The following DUSP29 variants were observed in gnomAD, a reference collection of about 807,000 sequenced individuals.
DUSP29 encodes the protein dual specificity phosphatase 29, also known as atypical dual-specific protein phosphatase.
DUSP29 carries 12 observed loss-of-function variants against 13.5 expected under a neutral mutation model. The ratio of observed to expected loss-of-function variants is 0.89; its 90% CI spans 0.57 to 1.44. The LOEUF is 1.44. DUSP29 is among the 40% of genes most tolerant of loss of function. DUSP29 has a pLI of 0.00. For missense variants in DUSP29, 308 were observed against 301.1 expected, an observed-to-expected ratio of 1.02 and a Z score of -0.17; for synonymous variants, 134 against 128.7, an observed-to-expected ratio of 1.04 and a Z score of -0.28.
intron 1 of DUSP29, among the ~76,000 whole-genome samples, chr10:75,060,575 A>G (rs1847066793): frequency 6.6e-6 from 1 of 152,118 alleles, no homozygotes; most frequent in Admixed American, 6.6e-5. Context: ...ATCTGCATGT[A>G]TTGCTTCTCT....
At chr10:75,052,895 A>G (rs976429566) in intron 2 of DUSP29, among the ~76,000 whole-genome samples, 1 of 152,244 alleles carries the variant, frequency 6.6e-6, no homozygotes, top group Non-Finnish European at 1.5e-5. Context: ...CCCCACTGAC[A>G]TGAGGCTTTG....
intron 2 of DUSP29, among the ~76,000 whole-genome samples, chr10:75,049,243 T>C (rs1185786121): frequency 6.6e-6 from 1 of 152,212 alleles, no homozygotes; most frequent in East Asian, 1.9e-4. Context: ...GGAGAGACCA[T>C]TGTAAAGGCA....
chr10:75,046,564 T>C (rs1376908371), intron 2 of DUSP29, among the ~76,000 whole-genome samples: 1 of 152,206 alleles, frequency 6.6e-6, no homozygotes, highest in Non-Finnish European at 1.5e-5. Context: ...CATGATGGTG[T>C]CCAGTGTTTG....
chr10:75,058,507 G>A lies in DUSP29; in HGVS notation c.8C>T (p.Ser3Phe), dbSNP rs762499816. The A allele has an allele frequency of 7.4e-6, 12 of 1,614,046 alleles. No homozygotes were observed. The highest frequency in any genetic ancestry group is 6.7e-5 in the Admixed American group (4 of 60,012). Residue 3 changes from serine (S) to phenylalanine (F), a missense_variant, in exon 2 of 4, where the codon TCT (serine) becomes TTT (phenylalanine). Coordinates refer to ENST00000338487, the MANE Select transcript of DUSP29 (RefSeq NM_001003892.3). MT[S>F]GEVKTSLKNA... The stretch of plus-strand genomic sequence containing the variant: ...CTTGAGGCTTGTCTTCACTTCTCCA[G>A]ATGTCATTTTAGAGCCAAGGGATTT...
At chr10:75,050,833 C>T (rs1218195434) in intron 2 of DUSP29, among the ~76,000 whole-genome samples, 1 of 152,216 alleles carries the variant, frequency 6.6e-6, no homozygotes, top group African/African-American at 2.4e-5. Flanking sequence ...CAGGCCCCAC[C>T]CCTTCGACCC....
At chr10:75,066,271 G>A (rs553635175) in intron 1 of DUSP29, among the ~76,000 whole-genome samples, 10 of 152,206 alleles carry the variant, frequency 6.6e-5, no homozygotes, top group East Asian at 1.9e-4. Context: ...TACTGAGAAC[G>A]GGGGTTCCCA....
At chr10:75,061,084 A>T (rs1847077767) in intron 1 of DUSP29, among the ~76,000 whole-genome samples, 1 of 152,040 alleles carries the variant, frequency 6.6e-6, no homozygotes, top group Admixed American at 6.6e-5. Flanking sequence ...AGGTCTCGCT[A>T]TGTTGGCCAA....
rs1564638850 is a variant in DUSP29, at chr10:75,042,067, C to T, written c.421+1730G>A. 1.2e-4 allele frequency among the ~76,000 whole-genome samples: 18 copies of T among 152,182 alleles called. No individual in the cohort carries two copies. In the South Asian group the frequency reaches 3.7e-3, roughly 32 times the overall value. On this transcript the variant is annotated intron_variant, in intron 3 of 3. Coordinates refer to ENST00000338487, the MANE Select transcript of DUSP29 (RefSeq NM_001003892.3). ...GTGCACATGCTGGCGTGGTTATATG[C>T]TTCACAGTGTATGACCACGCTTTAT...
intron 1 of DUSP29, among the ~76,000 whole-genome samples, chr10:75,072,978 C>T (rs939286624): frequency 3.3e-5 from 5 of 151,878 alleles, no homozygotes; most frequent in Non-Finnish European, 7.4e-5. Context: ...GGCTCTGATC[C>T]TTCATGACCC....
At chr10:75,066,065 G>C (rs1847194841) in intron 1 of DUSP29, among the ~76,000 whole-genome samples, 1 of 152,100 alleles carries the variant, frequency 6.6e-6, no homozygotes, top group Non-Finnish European at 1.5e-5. Context: ...CATGAGTTCT[G>C]TGGCATGGCC....
At chr10:75,051,329 G>A (rs1165876969) in intron 2 of DUSP29, among the ~76,000 whole-genome samples, 1 of 152,186 alleles carries the variant, frequency 6.6e-6, no homozygotes, top group Non-Finnish European at 1.5e-5. Flanking sequence ...TGAATGTACT[G>A]GGCACCGTGA....
In DUSP29 at chr10:75,054,846, CT is replaced by C. The variant is rs562938445; in HGVS notation, c.200+3468del. ...CTATTTACACAATGAGCATATGTTA[CT>C]TTTTTTTTTTGAGACAGGGTCTCAC... On this transcript the variant is annotated intron_variant, in intron 2 of 3. Coordinates refer to ENST00000338487, the MANE Select transcript of DUSP29 (RefSeq NM_001003892.3). 6.9e-3 allele frequency among the ~76,000 whole-genome samples: 1,012 copies of C among 147,436 alleles called. 6 individuals carry two copies. The highest frequency in any genetic ancestry group is 8.3e-3 in the Non-Finnish European group (552 of 66,362).
At chr10:75,066,166 G>A (rs1847196470) in intron 1 of DUSP29, among the ~76,000 whole-genome samples, 1 of 152,200 alleles carries the variant, frequency 6.6e-6, no homozygotes, top group African/African-American at 2.4e-5. Context: ...TCTAGAAGGA[G>A]TATGAGGGGG....
At chr10:75,045,116 G>A (rs1424742432) in intron 2 of DUSP29, among the ~76,000 whole-genome samples, 2 of 152,214 alleles carry the variant, frequency 1.3e-5, no homozygotes, top group African/African-American at 4.8e-5. Flanking sequence ...CAGCACTTTC[G>A]GAAGCCGAGG....
intron 1 of DUSP29, among the ~76,000 whole-genome samples, chr10:75,068,318 A>G (rs1042839214): frequency 1.3e-5 from 2 of 152,132 alleles, no homozygotes; most frequent in African/African-American, 4.8e-5. Context: ...CAAAAGATAG[A>G]GAAAAAAATA....
At chr10:75,060,500 T>G (rs1186616637) in intron 1 of DUSP29, among the ~76,000 whole-genome samples, 1 of 151,566 alleles carries the variant, frequency 6.6e-6, no homozygotes, top group Non-Finnish European at 1.5e-5. Flanking sequence ...AAACTTATTA[T>G]GCACGGTTGG....
chr10:75,068,807 G>C (rs934429860), intron 1 of DUSP29, among the ~76,000 whole-genome samples: 3 of 152,162 alleles, frequency 2.0e-5, no homozygotes, highest in Non-Finnish European at 4.4e-5. Flanking sequence ...ACAAGTTAGT[G>C]CTTGTCTTTA....
rs938777310 is a variant in DUSP29 at position 75,071,774 on chromosome 10, C to T, written c.-35+1795G>A. ...GAGGACAGGCACTCCTGCCTTCGCA[C>T]CCAAATGTTATATTTTCCAAGACCA... On this transcript the variant is annotated intron_variant, in intron 1 of 3. Transcript: ENST00000338487. 2.0e-5 allele frequency among the ~76,000 whole-genome samples: 3 copies of T among 152,234 alleles called. No homozygotes were observed. The South Asian group carries it at 6.2e-4, about 32-fold the overall frequency.
At chr10:75,059,297 C>G (rs1847036005) in intron 1 of DUSP29, among the ~76,000 whole-genome samples, 1 of 152,096 alleles carries the variant, frequency 6.6e-6, no homozygotes, top group African/African-American at 2.4e-5. Context: ...TGGGAGAGGA[C>G]TTTCCATTGT....
Sources: allele counts gnomAD v4.1 joint callset (sites outside exome capture counted in the v4.1 genomes callset), GRCh38; gene constraint gnomAD v4.1.1; transcripts MANE v1.5; gene names NCBI Gene and HGNC (gene_info 2026-07-23, HGNC 2026-07-21).